The following NREP variants were observed in gnomAD, a reference collection of about 807,000 sequenced individuals.
NREP encodes the protein neuronal regeneration-related protein.
In NREP, 5 loss-of-function variants were observed where a neutral mutation model predicts 8.6. The ratio of observed to expected loss-of-function variants is 0.58; its 90% CI spans 0.30 to 1.22. The LOEUF is 1.22. Ranked by LOEUF, NREP falls within the 50% of genes most tolerant of loss-of-function variation. The pLI is 0.07. For synonymous variants in NREP, 27 were observed against 28.0 expected (o/e 0.96, Z 0.11); for missense variants, 86 against 82.5 (o/e 1.04, Z -0.17).
At chr5:111,773,760 G>C (rs1473377559) in intron 2 of NREP, among the ~76,000 whole-genome samples, 2 of 152,158 alleles carry the variant, frequency 1.3e-5, no homozygotes, top group Non-Finnish European at 2.9e-5. Context: ...CTTCTACAGA[G>C]TGCCTAATAT....
intron 2 of NREP, among the ~76,000 whole-genome samples, chr5:111,919,027 A>C (rs1333062216): frequency 1.3e-5 from 2 of 152,224 alleles, no homozygotes; most frequent in Non-Finnish European, 2.9e-5. Flanking sequence ...CTTAAAACAA[A>C]TTGACAAGAA....
chr5:111,780,436 A>G (rs1455723343), intron 2 of NREP, among the ~76,000 whole-genome samples: 2 of 152,202 alleles, frequency 1.3e-5, no homozygotes, highest in African/African-American at 4.8e-5. Context: ...AACACAGGAA[A>G]GAGTCATAGA....
At chr5:111,879,786 C>T (rs1275656424) in intron 2 of NREP, among the ~76,000 whole-genome samples, 1 of 152,056 alleles carries the variant, frequency 6.6e-6, no homozygotes, top group Non-Finnish European at 1.5e-5. Flanking sequence ...TTGCAGAAAG[C>T]CAACTTCTTT....
intron 3 of NREP, chr5:111,733,821 G>C (rs547453344): frequency 6.6e-6 from 1 of 152,126 alleles, no homozygotes; most frequent in Admixed American, 6.6e-5. Flanking sequence ...AATGTGCCTC[G>C]GGGTGGATCA....
chr5:111,783,693 T>C (rs1379873835), intron 2 of NREP, among the ~76,000 whole-genome samples: 5 of 152,214 alleles, frequency 3.3e-5, no homozygotes, highest in Non-Finnish European at 5.9e-5. Context: ...CATACAAACG[T>C]CTACTAACGT....
chr5:111,752,697 G>T lies in NREP; in HGVS notation c.3+3073C>A, dbSNP rs568341057. Among the ~76,000 whole-genome samples, 5 of 152,238 alleles carry T rather than the reference G, an allele frequency of 3.3e-5. No homozygotes were observed. The East Asian group carries it at 7.7e-4, about 24-fold the overall frequency. ...AAAAGCTCAGCATCAGTCTTAAAGA[G>T]AACTTATATTGTTCCAATTCCTAGG... On this transcript the variant is annotated intron_variant, in intron 2 of 3. Coordinates refer to ENST00000257435, the MANE Select transcript of NREP (RefSeq NM_004772.4).
chr5:111,901,256 T>C (rs893154289), intron 2 of NREP, among the ~76,000 whole-genome samples: 16 of 152,302 alleles, frequency 1.1e-4, no homozygotes, highest in African/African-American at 2.6e-4. Flanking sequence ...ATGTTGAATT[T>C]AATTACTTTT....
At chr5:111,899,758 G>A (rs764874858) in intron 2 of NREP, among the ~76,000 whole-genome samples, 11 of 152,012 alleles carry the variant, frequency 7.2e-5, no homozygotes, top group African/African-American at 1.7e-4. Context: ...AACATATTCC[G>A]TGCAAATAGA....
chr5:111,885,304 C>T (rs1161404053), intron 2 of NREP, among the ~76,000 whole-genome samples: 7 of 151,472 alleles, frequency 4.6e-5, no homozygotes, highest in Non-Finnish European at 8.8e-5. Flanking sequence ...AACTACAAAC[C>T]ACTGCTCAAT....
At chr5:111,788,723 A>G (rs531511927) in intron 2 of NREP, among the ~76,000 whole-genome samples, 89 of 152,322 alleles carry the variant, frequency 5.8e-4, no homozygotes, top group African/African-American at 2.1e-3. Context: ...GGTTAATTTT[A>G]TGTGTCAACT....
chr5:111,905,946 T>C (rs993570514), intron 2 of NREP, among the ~76,000 whole-genome samples: 1 of 152,054 alleles, frequency 6.6e-6, no homozygotes, highest in African/African-American at 2.4e-5. Flanking sequence ...TTATATTGGT[T>C]TTTGAAGTGG....
At chr5:111,754,688 G>A (rs1247028547) in intron 2 of NREP, among the ~76,000 whole-genome samples, 1 of 152,088 alleles carries the variant, frequency 6.6e-6, no homozygotes, top group African/African-American at 2.4e-5. Flanking sequence ...TTCAAACAAG[G>A]TCCATGTGGT....
intron 2 of NREP, among the ~76,000 whole-genome samples, chr5:111,858,338 C>T (rs1391434108): frequency 6.6e-6 from 1 of 152,094 alleles, no homozygotes; most frequent in Non-Finnish European, 1.5e-5. Flanking sequence ...TTACTTTTCT[C>T]TCCCTACATG....
At chr5:111,802,170 C>G (rs150126538) in intron 2 of NREP, among the ~76,000 whole-genome samples, 2,263 of 152,050 alleles carry the variant, frequency 0.015, 19 homozygotes, top group Middle Eastern at 0.071. Context: ...TCAGAGTGAT[C>G]AGAAAGGGCT....
intron 2 of NREP, among the ~76,000 whole-genome samples, chr5:111,908,606 TCA>T (rs962776612): frequency 1.3e-5 from 2 of 152,082 alleles, no homozygotes; most frequent in Non-Finnish European, 2.9e-5. Flanking sequence ...GCACATAATT[TCA>T]TTCTTTTTCA....
chr5:111,817,132 G>A (rs1752401572), intron 2 of NREP, among the ~76,000 whole-genome samples: 1 of 152,034 alleles, frequency 6.6e-6, no homozygotes, highest in East Asian at 1.9e-4. Context: ...TATTGACCTA[G>A]AATCTAGCCA....
intron 2 of NREP, among the ~76,000 whole-genome samples, chr5:111,899,081 A>G (rs921601809): frequency 6.6e-6 from 1 of 152,218 alleles, no homozygotes; most frequent in African/African-American, 2.4e-5. Flanking sequence ...ACAACAAGAA[A>G]TGCTTAAGGC....
chr5:111,755,664 G>C (rs932281099), intron 2 of NREP, 106 bp downstream of exon 2: 3 of 1,246,884 alleles, frequency 2.4e-6, no homozygotes, highest in African/African-American at 2.9e-5. Flanking sequence ...GTCAGATGGG[G>C]TGTAGAACAA....
At chr5:111,876,147 C>A (rs1753903422) in intron 2 of NREP, among the ~76,000 whole-genome samples, 1 of 152,166 alleles carries the variant, frequency 6.6e-6, no homozygotes, top group South Asian at 2.1e-4. Flanking sequence ...GCCTGGCCCC[C>A]AGGTAGCCCT....
Sources: gnomAD v4.1 joint callset for allele counts (sites outside exome capture counted in the v4.1 genomes callset) on GRCh38, gnomAD v4.1.1 for gene constraint, MANE v1.5 for transcripts, NCBI Gene and HGNC (gene_info 2026-07-23, HGNC 2026-07-21) for gene names.